Variants in PLA2G4B observed in about 807,000 individuals in gnomAD.
The protein encoded by PLA2G4B is cytosolic phospholipase A2 beta.
A neutral mutation model predicts 95.8 loss-of-function variants in PLA2G4B; 122 were observed. The ratio of observed to expected loss-of-function variants is 1.27; its 90% CI spans 1.10 to 1.48. The LOEUF (loss-of-function observed/expected upper bound fraction) is 1.48. Ranked by LOEUF, PLA2G4B falls within the 40% of genes most tolerant of loss-of-function variation. The pLI is 0.00. For missense variants in PLA2G4B, 1,158 were observed against 996.2 expected (o/e 1.16, Z -2.19); for synonymous variants, 518 against 421.5 (o/e 1.23, Z -2.80).
chr15:41,845,789 G>A lies in PLA2G4B; in HGVS notation c.1495+14G>A, dbSNP rs752430121. 3.2e-6 allele frequency: 5 copies of A among 1,581,364 alleles called. No homozygotes were observed. The African/African-American group carries it at 5.4e-5, about 17-fold the overall frequency. The stretch of plus-strand genomic sequence containing the variant: ...GCTTCTTAGAAGGTGAGGGGCACTG[G>A]CAGGCTGGGGAAGCTGGGCCGAGCA... On this transcript the variant is annotated intron_variant, in intron 15 of 19. Coordinates refer to ENST00000458483, the MANE Select transcript of PLA2G4B (RefSeq NM_001114633.2).
At position 41,846,763 on chromosome 15, in the gene PLA2G4B, G is replaced by T; in HGVS notation, c.1875G>T (p.Leu625=). 6.2e-7 allele frequency: 1 copy of T among 1,613,986 alleles called. No homozygotes were observed. Among genetic ancestry groups the T allele is most frequent in the Non-Finnish European group, 8.5e-7 (1 of 1,179,966 alleles). Residue 625 remains leucine (L), a synonymous_variant, in exon 18 of 20, where the codon CTG becomes CTT. Transcript: ENST00000458483. ...DVGYLINTSC[L]PLLQPTRDVD... ...GCTACCTCATCAATACCAGCTGCCT[G>T]CCCCTCCTGCAGCCCACTCGGGACG... is the stretch of plus-strand genomic sequence containing the variant.
At chr15:41,843,903 C>T (rs1237828302) in intron 11 of PLA2G4B, 92 bp downstream of exon 11, 11 of 1,520,206 alleles carry the variant, frequency 7.2e-6, no homozygotes, top group Admixed American at 2.0e-5. Context: ...CCGATCTAGA[C>T]CAGAGCTCGT....
rs762425840 is a variant in PLA2G4B, at chr15:41,841,269, T to G, written c.431T>G (p.Leu144Arg). 22 of 1,612,656 alleles carry G rather than the reference T, an allele frequency of 1.4e-5. No individual in the cohort carries two copies. The highest frequency in any genetic ancestry group is 1.9e-4 in the Middle Eastern group (1 of 5,338). ...RGEWLVSNGV[L>R]VARELSCLHV... ...GAGTGGCTCGTCAGCAATGGCGTTCTGGTGGTGAGTGTGCCAGTGCTCTGG... is the reference window on the plus strand; with the variant it reads ...GAGTGGCTCGTCAGCAATGGCGTTCGGGTGGTGAGTGTGCCAGTGCTCTGG... Residue 144 changes from leucine to arginine, a missense_variant, in exon 6 of 20, where the codon CTG becomes CGG. Physicochemically the swap from Leu to Arg is moderately radical, Grantham distance 102. Coordinates refer to ENST00000458483, the MANE Select transcript of PLA2G4B (RefSeq NM_001114633.2).
chr15:41,847,846 C>T lies in PLA2G4B; in HGVS notation c.2332C>T (p.Arg778Cys), dbSNP rs763270512. 1.6e-5 allele frequency: 25 copies of T among 1,612,552 alleles called. No homozygotes were observed. Among genetic ancestry groups the T allele is most frequent in the Admixed American group, 8.3e-5 (5 of 59,986 alleles). The change falls in exon 20 of 20, where the codon CGC (arginine) becomes TGC (cysteine). Residue 778 changes from arginine to cysteine, a missense_variant. Transcript: ENST00000458483. ...CCAGGCAGTGCAGCGGAGGCGGCAG[C>T]GCAGGCCCCACTGATGGCCGGGGCC... is the stretch of plus-strand genomic sequence containing the variant. ...LRQAVQRRRQRRPH is the reference protein window; with the variant it reads ...LRQAVQRRRQCRPH
chr15:41,842,150 GA>G (rs751957679), intron 8 of PLA2G4B, 42 bp from the exon 9 acceptor site: 2 of 1,610,776 alleles, frequency 1.2e-6, no homozygotes, highest in Non-Finnish European at 1.7e-6. Flanking sequence ...GCTAGGAGTG[GA>G]AGCGTAAAGA....
intron 12 of PLA2G4B, 114 bp from the exon 13 acceptor site, chr15:41,844,733 AG>A: frequency 6.4e-7 from 1 of 1,559,218 alleles, no homozygotes; most frequent in Admixed American, 1.9e-5. Context: ...AACGTGCTCA[AG>A]GGGACCCTGG....
intron 18 of PLA2G4B, among the ~76,000 whole-genome samples, chr15:41,847,040 C>T (rs2065569997): frequency 5.9e-5 from 9 of 152,076 alleles, no homozygotes; most frequent in Admixed American, 5.2e-4. Flanking sequence ...GTAGCTGGGT[C>T]CCCTTTACTG....
chr15:41,840,931 C>T, intron 4 of PLA2G4B, 26 bp downstream of exon 4: 2 of 1,606,030 alleles, frequency 1.2e-6, no homozygotes, highest in Non-Finnish European at 1.7e-6. Context: ...CACGGCAGCC[C>T]TAGCTGGTGT....
Position 41,842,453 on chromosome 15 carries a change from C to T in PLA2G4B, c.706-101C>T, listed in dbSNP as rs897844752. ...GCTTCAGGCCTGGCGCCTGTGGAGA[C>T]GGTGGCGGGGCGGGGGTGGTGCGCC... On this transcript the variant is annotated intron_variant, in intron 9 of 19. Coordinates refer to ENST00000458483, the MANE Select transcript of PLA2G4B (RefSeq NM_001114633.2). The T allele has an allele frequency of 7.8e-6, 12 of 1,541,632 alleles. No individual in the cohort carries two copies. The African/African-American group carries it at 1.2e-4, about 16-fold the overall frequency.
intron 7 of PLA2G4B, 99 bp from the exon 8 acceptor site, chr15:41,841,720 C>T: frequency 6.4e-7 from 1 of 1,570,762 alleles, no homozygotes; most frequent in Non-Finnish European, 8.7e-7. Flanking sequence ...CAGACCATTT[C>T]AGCGGGGAGA....
chr15:41,840,306 G>T, intron 2 of PLA2G4B, 76 bp downstream of exon 2: 1 of 1,594,796 alleles, frequency 6.3e-7, no homozygotes. Flanking sequence ...TGCTGTGGCT[G>T]GATTTGGTGG....
rs1338080333 is a variant in PLA2G4B, at chr15:41,845,286, C to T, written c.1323C>T (p.Thr441=). 1.2e-6 allele frequency: 2 copies of T among 1,614,202 alleles called. No homozygotes were observed. The highest frequency in any genetic ancestry group is 1.3e-5 in the African/African-American group (1 of 75,054). ...TGCCCATCTACTGTGCCCTCAACAC[C>T]AAAGGGCAGAGCCTGACCACTTTTG... ...NPLPIYCALN[T]KGQSLTTFEF... The change falls in exon 14 of 20, where the codon ACC becomes ACT. Residue 441 remains threonine, a synonymous_variant. Coordinates refer to ENST00000458483, the MANE Select transcript of PLA2G4B (RefSeq NM_001114633.2).
rs2065605852 is a variant in PLA2G4B at position 41,847,885 on chromosome 15, ACTCT to A, written c.*27_*30del. The A allele has an allele frequency of 1.2e-6, 2 of 1,603,844 alleles. No individual in the cohort carries two copies. Among genetic ancestry groups the A allele is most frequent in the Non-Finnish European group, 1.7e-6 (2 of 1,175,990 alleles). On this transcript the variant is annotated 3_prime_UTR_variant, in exon 20 of 20. Coordinates refer to ENST00000458483, the MANE Select transcript of PLA2G4B (RefSeq NM_001114633.2). Reference sequence around the variant, plus strand: ...ATGGCCGGGGCCCCTGCCACCCCTAACTCTCATTCATTCCCTGGCTGCTGAGTTG... The same window carrying A: ...ATGGCCGGGGCCCCTGCCACCCCTAACATTCATTCCCTGGCTGCTGAGTTG...
intron 19 of PLA2G4B, 62 bp from the exon 20 acceptor site, chr15:41,847,587 G>A (rs116551916): frequency 1.2e-6 from 2 of 1,610,458 alleles, no homozygotes; most frequent in African/African-American, 1.3e-5. Context: ...CGTCCCCTGT[G>A]CCTCTCCAAA....
chr15:41,843,938 C>T (rs1275642213), intron 11 of PLA2G4B, 127 bp downstream of exon 11: 2 of 1,441,326 alleles, frequency 1.4e-6, no homozygotes, highest in Non-Finnish European at 1.8e-6. Flanking sequence ...ACCCTGCTTC[C>T]TCTCACCTGG....
chr15:41,847,232 C>CCGTTTTGG, intron 18 of PLA2G4B, 105 bp from the exon 19 acceptor site: 1 of 1,479,592 alleles, frequency 6.8e-7, no homozygotes, highest in Non-Finnish European at 9.0e-7. Flanking sequence ...CCACTGGAGA[C>CCGTTTTGG]CGTTTTGGCA....
chr15:41,841,354 G>A (rs1370506593), intron 6 of PLA2G4B, 81 bp downstream of exon 6: 7 of 1,610,194 alleles, frequency 4.3e-6, no homozygotes, highest in Admixed American at 3.3e-5. Context: ...CAGGCCCACC[G>A]CTGCCTCAGC....
intron 16 of PLA2G4B, 53 bp downstream of exon 16, chr15:41,846,100 G>A: frequency 1.9e-6 from 3 of 1,572,318 alleles, no homozygotes; most frequent in Non-Finnish European, 2.6e-6. Context: ...AGCTGGGGCT[G>A]CACCAGGGGG....
rs1187146102 is a variant in PLA2G4B, at chr15:41,838,905, C to G, written c.-9C>G. 6.3e-7 allele frequency: 1 copy of G among 1,596,148 alleles called. No homozygotes were observed. The highest frequency in any genetic ancestry group is 8.5e-7 in the Non-Finnish European group (1 of 1,170,584). ...GCCCCATCATTCCTGCTCCTGAGGA[C>G]TCAGTCTCATGGCTGTGGTAAGGCC... is the stretch of plus-strand genomic sequence containing the variant. On this transcript the variant is annotated 5_prime_UTR_variant, in exon 1 of 20. Transcript: ENST00000458483.
Sources: gnomAD v4.1 joint callset for allele counts (sites outside exome capture counted in the v4.1 genomes callset) on GRCh38, gnomAD v4.1.1 for gene constraint, MANE v1.5 for transcripts, NCBI Gene and HGNC (gene_info 2026-07-23, HGNC 2026-07-21) for gene names.